CTXND1: variants seen among roughly 807,000 people sequenced by gnomAD.
CTXND1 encodes the protein cortexin domain containing 1.
chr15:80,210,743 G>T (rs1026180947), intron 1 of CTXND1, among the ~76,000 whole-genome samples: 2 of 152,212 alleles, frequency 1.3e-5, no homozygotes, highest in Non-Finnish European at 2.9e-5. Flanking sequence ...ATAGCAAAAT[G>T]CCACAGACTG....
intron 1 of CTXND1, among the ~76,000 whole-genome samples, chr15:80,237,959 A>G (rs1351923625): frequency 2.9e-5 from 4 of 140,164 alleles, no homozygotes; most frequent in Non-Finnish European, 4.5e-5. Flanking sequence ...CAGTAAGCTG[A>G]GATCGTGCCA....
intron 1 of CTXND1, among the ~76,000 whole-genome samples, chr15:80,209,360 T>C (rs1012585901): frequency 7.9e-5 from 12 of 152,212 alleles, no homozygotes; most frequent in Non-Finnish European, 2.9e-5. Context: ...CCCTGGGAGC[T>C]GAGCTGCTGG....
chr15:80,201,686 G>A lies in CTXND1; in HGVS notation c.*84C>T, dbSNP rs2041449842. The A allele has an allele frequency of 5.0e-6, 2 of 397,852 alleles. No individual in the cohort carries two copies. Among genetic ancestry groups the A allele is most frequent in the African/African-American group, 4.1e-5 (2 of 48,634 alleles). 24.6% of individuals were successfully genotyped at this position (397,852 alleles called of 1,614,324 possible). On this transcript the variant is annotated 3_prime_UTR_variant, in exon 3 of 3. Coordinates refer to ENST00000560778, the MANE Select transcript of CTXND1 (RefSeq NM_001352888.2). ...ATTCATTCCTTGCCTCTGTGGGATG[G>A]CAGGCTGGCAGGGAACACACGGATG...
chr15:80,239,417 G>C (rs1274031868), intron 1 of CTXND1, among the ~76,000 whole-genome samples: 1 of 152,240 alleles, frequency 6.6e-6, no homozygotes, highest in Non-Finnish European at 1.5e-5. Flanking sequence ...ATTTGAGTCA[G>C]TGGGCTGGGG....
At position 80,199,538 on chromosome 15, in the gene CTXND1, G is replaced by A. The variant is rs1384690591; in HGVS notation, c.*2232C>T. On this transcript the variant is annotated 3_prime_UTR_variant, in exon 3 of 3. Coordinates refer to ENST00000560778, the MANE Select transcript of CTXND1 (RefSeq NM_001352888.2). ...CAGAAATGCCTGGCTTCTCAAGGTA[G>A]GCTTCAGAGTGAGGGCTGCTGCTGC... is the stretch of plus-strand genomic sequence containing the variant. The A allele has an allele frequency of 6.6e-6, 1 of 152,278 alleles. No homozygotes were observed. Among genetic ancestry groups the A allele is most frequent in the Non-Finnish European group, 1.5e-5 (1 of 68,140 alleles). 9.4% of individuals were successfully genotyped at this position (152,278 alleles called of 1,614,324 possible). A position where few individuals can be genotyped will look rare whatever the true frequency, so the allele number is the denominator to read the frequency against.
intron 1 of CTXND1, among the ~76,000 whole-genome samples, chr15:80,218,611 C>A (rs1893278747): frequency 6.6e-6 from 1 of 151,806 alleles, no homozygotes; most frequent in African/African-American, 2.4e-5. Flanking sequence ...TACCTTTCTT[C>A]TCAATATTAT....
intron 1 of CTXND1, among the ~76,000 whole-genome samples, chr15:80,226,841 TGACTGCTACA>T (rs1893377733): frequency 6.6e-6 from 1 of 152,224 alleles, no homozygotes; most frequent in Non-Finnish European, 1.5e-5. Context: ...TTGTTTTCCA[TGACTGCTACA>T]GACTTTTGAA....
At chr15:80,235,894 A>G (rs926510806) in intron 1 of CTXND1, among the ~76,000 whole-genome samples, 3 of 151,298 alleles carry the variant, frequency 2.0e-5, no homozygotes, top group Non-Finnish European at 2.9e-5. Flanking sequence ...TGGGATAATG[A>G]TGAGGACTTA....
intron 1 of CTXND1, among the ~76,000 whole-genome samples, chr15:80,243,601 A>G (rs1465096264): frequency 6.6e-6 from 1 of 152,126 alleles, no homozygotes; most frequent in Non-Finnish European, 1.5e-5. Flanking sequence ...ATTATTTACC[A>G]TCGTCATTTT....
chr15:80,209,748 A>C (rs1893185630), intron 1 of CTXND1, among the ~76,000 whole-genome samples: 1 of 152,224 alleles, frequency 6.6e-6, no homozygotes, highest in South Asian at 2.1e-4. Context: ...AAGGGTGCAC[A>C]AATACAGGAT....
chr15:80,204,804 G>C (rs1472104782), intron 1 of CTXND1, among the ~76,000 whole-genome samples: 2 of 151,772 alleles, frequency 1.3e-5, no homozygotes, highest in Non-Finnish European at 2.9e-5. Context: ...AATGCTTTGG[G>C]GTATATAAGC....
chr15:80,219,186 C>A (rs1567130632), intron 1 of CTXND1, among the ~76,000 whole-genome samples: 1 of 151,628 alleles, frequency 6.6e-6, no homozygotes, highest in Non-Finnish European at 1.5e-5. Context: ...CTCAAGCAAT[C>A]CTCCTACCTC....
intron 1 of CTXND1, among the ~76,000 whole-genome samples, chr15:80,244,620 C>A: frequency 6.6e-6 from 1 of 152,164 alleles, no homozygotes; most frequent in East Asian, 1.9e-4. Context: ...ACTTGGGTGG[C>A]TTTGTATAGT....
At position 80,252,028 on chromosome 15, in the gene CTXND1, G is replaced by C. The variant is rs959542781; in HGVS notation, c.-239C>G. The C allele has an allele frequency of 5.3e-5, 8 of 151,652 alleles. No homozygotes were observed. The highest frequency in any genetic ancestry group is 1.9e-4 in the African/African-American group (8 of 41,376). 9.4% of individuals were successfully genotyped at this position (151,652 alleles called of 1,614,324 possible). ...TTACCTGGCGAGGCCCGTCCCGTGC[G>C]CTCCCGGGGTCCTGGCTGGGCCGGC... On this transcript the variant is annotated 5_prime_UTR_variant, in exon 1 of 3. Coordinates refer to ENST00000560778, the MANE Select transcript of CTXND1 (RefSeq NM_001352888.2).
intron 1 of CTXND1, among the ~76,000 whole-genome samples, chr15:80,237,981 C>A (rs1405816435): frequency 8.0e-6 from 1 of 125,052 alleles, no homozygotes; most frequent in African/African-American, 3.2e-5. Flanking sequence ...TGCACTCCAG[C>A]CTGGGAGACA....
chr15:80,222,532 A>C (rs1376885025), intron 1 of CTXND1, among the ~76,000 whole-genome samples: 2 of 152,130 alleles, frequency 1.3e-5, no homozygotes, highest in Non-Finnish European at 2.9e-5. Flanking sequence ...ATTATCTCAA[A>C]ATTGTTTTCT....
intron 1 of CTXND1, among the ~76,000 whole-genome samples, chr15:80,213,394 T>C (rs972570276): frequency 2.6e-5 from 4 of 152,136 alleles, no homozygotes; most frequent in African/African-American, 9.7e-5. Context: ...TTACCTTATA[T>C]GGCAAAAAGG....
At chr15:80,215,784 C>G (rs564640973) in intron 1 of CTXND1, among the ~76,000 whole-genome samples, 1 of 152,278 alleles carries the variant, frequency 6.6e-6, no homozygotes, top group South Asian at 2.1e-4. Flanking sequence ...AAGCCTAATG[C>G]TTTTTATCTC....
intron 1 of CTXND1, among the ~76,000 whole-genome samples, chr15:80,247,035 G>T (rs546133781): frequency 2.0e-5 from 3 of 152,130 alleles, no homozygotes; most frequent in African/African-American, 2.4e-5. Context: ...TCAGTATTCC[G>T]CTTTCCATTT....
Sources: gnomAD v4.1 joint callset for allele counts (sites outside exome capture counted in the v4.1 genomes callset) on GRCh38, gnomAD v4.1.1 for gene constraint, MANE v1.5 for transcripts, NCBI Gene and HGNC (gene_info 2026-07-23, HGNC 2026-07-21) for gene names.